The following ZNF721 variants were observed in gnomAD, a reference collection of about 807,000 sequenced individuals.
ZNF721 encodes the protein zinc finger protein 721.
ZNF721 carries 2 observed loss-of-function variants against 2.4 expected under a neutral mutation model. The ratio of observed to expected loss-of-function variants is 0.82; its 90% CI spans 0.34 to 2.58. The LOEUF is 2.58. ZNF721 is among the 30% of genes most tolerant of loss of function. The pLI is 0.11. For synonymous variants in ZNF721, 398 were observed against 381.8 expected, an observed-to-expected ratio of 1.04 and a Z score of -0.50; for missense variants, 1,187 against 1,085.5, an observed-to-expected ratio of 1.09 and a Z score of -1.31.
intron 2 of ZNF721, among the ~76,000 whole-genome samples, chr4:463,512 C>T (rs1192098678): frequency 1.3e-5 from 2 of 152,074 alleles, no homozygotes; most frequent in African/African-American, 2.4e-5. Flanking sequence ...AACCCAAATG[C>T]CCATCAATGG....
intron 2 of ZNF721, among the ~76,000 whole-genome samples, chr4:452,504 G>A (rs1041999116): frequency 9.2e-5 from 14 of 152,106 alleles, no homozygotes; most frequent in Non-Finnish European, 1.9e-4. Context: ...ACTAGAAAAC[G>A]CTATGACTTT....
intron 1 of ZNF721, among the ~76,000 whole-genome samples, chr4:487,558 TTAG>T (rs1206660259): frequency 6.6e-6 from 1 of 152,214 alleles, no homozygotes; most frequent in African/African-American, 2.4e-5. Flanking sequence ...CAGTTATAGC[TTAG>T]TAATATATAC....
At chr4:492,162 CAAAA>C (rs141448200) in intron 1 of ZNF721, among the ~76,000 whole-genome samples, 171 of 144,198 alleles carry the variant, frequency 1.2e-3, no homozygotes, top group East Asian at 1.4e-3. Context: ...GATTCCGTCT[CAAAA>C]AAAAAAAAAC....
Position 443,615 on chromosome 4 carries a change from T to A in ZNF721, c.852A>T (p.Lys284Asn), listed in dbSNP as rs782536694. The change falls in exon 3 of 3, where the codon AAA becomes AAT. Residue 284 changes from lysine (K) to asparagine (N), a missense_variant. Coordinates refer to ENST00000511833, the MANE Select transcript of ZNF721 (RefSeq NM_133474.4). ...TAAGGGTTGTGGAAATATTAAAGGCTTTACCACATTCTAAACATTTAAAGG... is the reference window on the plus strand; with the variant it reads ...TAAGGGTTGTGGAAATATTAAAGGCATTACCACATTCTAAACATTTAAAGG... ...EKPFKCLECGKAFNISTTLTK... is the reference protein window; with the variant it reads ...EKPFKCLECGNAFNISTTLTK... The A allele has an allele frequency of 2.5e-6, 4 of 1,613,978 alleles. No individual in the cohort carries two copies. The South Asian group carries it at 4.4e-5, about 18-fold the overall frequency.
At chr4:450,869 G>A (rs1346469980) in intron 2 of ZNF721, among the ~76,000 whole-genome samples, 4 of 146,452 alleles carry the variant, frequency 2.7e-5, no homozygotes, top group Non-Finnish European at 4.5e-5. Flanking sequence ...CCCAGGAGGC[G>A]GAGCTTGCAG....
intron 2 of ZNF721, among the ~76,000 whole-genome samples, 162 bp downstream of exon 2, chr4:472,413 C>T (rs747283328): frequency 3.3e-5 from 5 of 152,180 alleles, no homozygotes; most frequent in Admixed American, 3.3e-4. Flanking sequence ...TTCTGAGAAT[C>T]TATCAACAAT....
At chr4:488,700 C>G (rs1471611679) in intron 1 of ZNF721, among the ~76,000 whole-genome samples, 1 of 151,946 alleles carries the variant, frequency 6.6e-6, no homozygotes, top group Admixed American at 6.6e-5. Flanking sequence ...TGTGGTGGTA[C>G]ACACCCATAA....
At chr4:471,776 G>A (rs1553867711) in intron 2 of ZNF721, among the ~76,000 whole-genome samples, 1 of 151,806 alleles carries the variant, frequency 6.6e-6, no homozygotes, top group Non-Finnish European at 1.5e-5. Context: ...TCTATATGAG[G>A]TAATAGATAT....
At chr4:450,580 T>TA (rs782396460) in intron 2 of ZNF721, among the ~76,000 whole-genome samples, 2 of 151,958 alleles carry the variant, frequency 1.3e-5, no homozygotes, top group African/African-American at 4.8e-5. Context: ...CATCACTGTA[T>TA]AAAAAATATC....
intron 2 of ZNF721, among the ~76,000 whole-genome samples, chr4:462,663 T>C (rs1186263907): frequency 2.0e-5 from 3 of 152,232 alleles, no homozygotes; most frequent in African/African-American, 4.8e-5. Context: ...AAGGATTCCC[T>C]ATTTAATAAA....
At chr4:489,842 T>C (rs1715979194) in intron 1 of ZNF721, among the ~76,000 whole-genome samples, 1 of 152,132 alleles carries the variant, frequency 6.6e-6, no homozygotes. Flanking sequence ...AAAACAATAA[T>C]ATTTTGGGTT....
intron 2 of ZNF721, chr4:454,078 C>G (rs543606302): frequency 6.6e-6 from 1 of 152,350 alleles, no homozygotes; most frequent in Admixed American, 6.5e-5. Context: ...AGCATTGTCC[C>G]TAATGAAACA....
Position 443,983 on chromosome 4 carries a change from C to G in ZNF721, c.484G>C (p.Glu162Gln), listed in dbSNP as rs782048085. Residue 162 changes from glutamate to glutamine, a missense_variant, in exon 3 of 3, where the codon GAG (glutamate) becomes CAG (glutamine). Coordinates refer to ENST00000511833, the MANE Select transcript of ZNF721 (RefSeq NM_133474.4). ...CATTCTTCACATTTGTAAGGTTTCT[C>G]TCCAGTATGAATTTTCTTGTGTTGA... is the stretch of plus-strand genomic sequence containing the variant. ...LNQHKKIHTG[E>Q]KPYKCEECGK... The G allele has an allele frequency of 1.2e-6, 2 of 1,614,038 alleles. No homozygotes were observed. Among genetic ancestry groups the G allele is most frequent in the African/African-American group, 2.7e-5 (2 of 74,930 alleles).
At chr4:471,683 T>C (rs1345221094) in intron 2 of ZNF721, among the ~76,000 whole-genome samples, 1 of 152,196 alleles carries the variant, frequency 6.6e-6, no homozygotes, top group African/African-American at 2.4e-5. Flanking sequence ...GTATTCCATT[T>C]ATAATTAATA....
intron 2 of ZNF721, among the ~76,000 whole-genome samples, chr4:457,847 AC>A (rs1352648026): frequency 6.6e-6 from 1 of 152,154 alleles, no homozygotes; most frequent in East Asian, 1.9e-4. Context: ...CTTTATTCCC[AC>A]TGTGAATCGT....
At chr4:498,954 G>A (rs376500955) in intron 1 of ZNF721, 102 bp downstream of exon 1, 1 of 231,306 alleles carries the variant, frequency 4.3e-6, no homozygotes, top group Non-Finnish European at 8.7e-6. Context: ...TCGATCTCCT[G>A]ACCTCGTGAT....
intron 1 of ZNF721, among the ~76,000 whole-genome samples, chr4:482,657 C>T (rs1211882764): frequency 6.6e-6 from 1 of 151,582 alleles, no homozygotes; most frequent in Admixed American, 6.6e-5. Flanking sequence ...CCACCATGCC[C>T]AGCTAATTTT....
intron 2 of ZNF721, among the ~76,000 whole-genome samples, chr4:455,722 T>C (rs1477892822): frequency 2.0e-5 from 3 of 151,920 alleles, no homozygotes; most frequent in African/African-American, 7.3e-5. Context: ...CTTCAAGAGC[T>C]GAAGAAAAAG....
In ZNF721 at chr4:444,325, G is replaced by C. The variant is rs1714398525; in HGVS notation, c.142C>G (p.Gln48Glu). 1 of 1,613,872 alleles carries C rather than the reference G, an allele frequency of 6.2e-7. No individual in the cohort carries two copies. Among genetic ancestry groups the C allele is most frequent in the Admixed American group, 1.7e-5 (1 of 59,998 alleles). The change falls in exon 3 of 3, where the codon CAA becomes GAA. Residue 48 changes from glutamine (Q) to glutamate (E), a missense_variant. Transcript: ENST00000511833. ...RYEKCGHDNL[Q>E]LRKGCKSMNV... ...ATACTTTTACAGCCTTTCCTTAATT[G>C]TAAATTATCATGCCCACATTTCTCA...
Sources: gnomAD v4.1 joint callset for allele counts (sites outside exome capture counted in the v4.1 genomes callset) on GRCh38, gnomAD v4.1.1 for gene constraint, MANE v1.5 for transcripts, NCBI Gene and HGNC (gene_info 2026-07-23, HGNC 2026-07-21) for gene names.